Variants in P3H2 observed in about 807,000 individuals in gnomAD.
P3H2 encodes prolyl 3-hydroxylase 2.
P3H2 carries 80 observed loss-of-function variants against 87.0 expected under a neutral mutation model. The ratio of observed to expected loss-of-function variants is 0.92; its 90% CI spans 0.77 to 1.11. P3H2 has a LOEUF of 1.11. Ranked by LOEUF, P3H2 falls within the 50% of genes least tolerant of loss-of-function variation. The probability of loss-of-function intolerance (pLI) is 0.00; values close to 1 mark genes in which losing one functional copy is unlikely to be tolerated. For synonymous variants in P3H2, 367 were observed against 359.3 expected, an observed-to-expected ratio of 1.02 and a Z score of -0.24; for missense variants, 1,001 against 923.9, an observed-to-expected ratio of 1.08 and a Z score of -1.08.
chr3:190,061,210 G>T (rs1343606936), intron 1 of P3H2, among the ~76,000 whole-genome samples: 1 of 152,066 alleles, frequency 6.6e-6, no homozygotes, highest in African/African-American at 2.4e-5. Context: ...AAGTGCCTGA[G>T]AATAGCTCCT....
At chr3:189,986,590 A>AAAATAAAT (rs569382938) in intron 6 of P3H2, among the ~76,000 whole-genome samples, 198 bp downstream of exon 6, 2 of 152,248 alleles carry the variant, frequency 1.3e-5, no homozygotes, top group South Asian at 4.2e-4. Context: ...ACTCCATCTC[A>AAAATAAAT]AAATAAATAA....
intron 1 of P3H2, among the ~76,000 whole-genome samples, chr3:190,063,405 C>T (rs896974138): frequency 3.9e-5 from 6 of 152,170 alleles, no homozygotes; most frequent in East Asian, 1.9e-4. Flanking sequence ...CTGGTCAATA[C>T]GTTTGGCTAT....
intron 1 of P3H2, among the ~76,000 whole-genome samples, chr3:190,076,643 A>G (rs536396901): frequency 1.9e-3 from 290 of 152,318 alleles, no homozygotes; most frequent in Non-Finnish European, 3.5e-3. Context: ...TTTATAAGGT[A>G]TTATAACCCA....
rs1325970040 is a variant in P3H2, at chr3:189,960,229, C to A, written c.2035-2225G>T. On this transcript the variant is annotated intron_variant, in intron 14 of 14. Coordinates refer to ENST00000319332, the MANE Select transcript of P3H2 (RefSeq NM_018192.4). ...AGGCCTCACAATTTGCCGCTCCTAC[C>A]CTTTCACTCCAGAATCAGTTGTCTT... 3.3e-5 allele frequency among the ~76,000 whole-genome samples: 5 copies of A among 152,168 alleles called. No individual in the cohort carries two copies. In the South Asian group the frequency reaches 1.0e-3, roughly 32 times the overall value.
At chr3:190,111,193 C>T (rs576527640) in intron 1 of P3H2, among the ~76,000 whole-genome samples, 60 of 152,348 alleles carry the variant, frequency 3.9e-4, no homozygotes, top group African/African-American at 1.4e-3. Context: ...CAAGGAATAA[C>T]ATTGCATAAG....
chr3:190,004,852 T>TAA (rs563540775), intron 1 of P3H2, among the ~76,000 whole-genome samples: 3,107 of 150,878 alleles, frequency 0.021, 113 homozygotes, highest in African/African-American at 0.072. Context: ...GTGACTCAAT[T>TAA]AAAAAAAAAA....
Position 190,120,896 on chromosome 3 carries a change from G to T in P3H2, c.-165C>A. 1.7e-6 allele frequency: 2 copies of T among 1,160,416 alleles called. No individual in the cohort carries two copies. Among genetic ancestry groups the T allele is most frequent in the Non-Finnish European group, 1.1e-6 (1 of 870,226 alleles). The allele number at this position is 1,160,416 out of a possible 1,614,324, so 71.9% of individuals were successfully genotyped here. A position where few individuals can be genotyped will look rare whatever the true frequency, so the allele number is the denominator to read the frequency against. ...CCGCCGGCGCTCCGCGTACTGAGAGGCGGAGGCCGTGCCTGGCCAGCCGCT... is the reference window on the plus strand; with the variant it reads ...CCGCCGGCGCTCCGCGTACTGAGAGTCGGAGGCCGTGCCTGGCCAGCCGCT... On this transcript the variant is annotated 5_prime_UTR_variant, in exon 1 of 15. Transcript: ENST00000319332.
At position 189,986,783 on chromosome 3, in the gene P3H2, C is replaced by T. The variant is rs772713366; in HGVS notation, c.1188+5G>A. ...TTTTAATAAACGTTTCCTCTTTCCT[C>T]TTACCGGTTCAGTGTATGAAAACCC... On this transcript the variant is annotated splice_donor_5th_base_variant and intron_variant, in intron 6 of 14. Transcript: ENST00000319332. 1.9e-6 allele frequency: 3 copies of T among 1,579,730 alleles called. No individual in the cohort carries two copies. Among genetic ancestry groups the T allele is most frequent in the South Asian group, 1.1e-5 (1 of 90,350 alleles).
intron 1 of P3H2, among the ~76,000 whole-genome samples, chr3:190,097,298 C>T (rs1052479460): frequency 6.6e-6 from 1 of 152,092 alleles, no homozygotes; most frequent in African/African-American, 2.4e-5. Context: ...GTAAAACAAA[C>T]AAACAACCAA....
intron 1 of P3H2, among the ~76,000 whole-genome samples, chr3:190,107,600 A>G (rs1241518667): frequency 6.6e-6 from 1 of 152,208 alleles, no homozygotes; most frequent in Non-Finnish European, 1.5e-5. Context: ...GGAGAACTGT[A>G]AAAGGGAAGG....
intron 1 of P3H2, among the ~76,000 whole-genome samples, chr3:190,119,182 GAGAGGAGA>G: frequency 3.3e-5 from 4 of 120,590 alleles, no homozygotes; most frequent in African/African-American, 1.1e-4. Flanking sequence ...GAGAGGAGAG[GAGAGGAGA>G]GGAGGGGAGA....
chr3:190,067,638 T>C (rs1726554608), intron 1 of P3H2, among the ~76,000 whole-genome samples: 1 of 152,182 alleles, frequency 6.6e-6, no homozygotes, highest in Admixed American at 6.5e-5. Flanking sequence ...CATAAAATTC[T>C]ACATATGGTG....
At position 190,055,152 on chromosome 3, in the gene P3H2, C is replaced by T. The variant is rs73053135; in HGVS notation, c.481-59710G>A. 6.0e-3 allele frequency among the ~76,000 whole-genome samples: 905 copies of T among 151,860 alleles called. 7 individuals are homozygous for T. Among genetic ancestry groups the T allele is most frequent in the African/African-American group, 0.021 (863 of 41,168 alleles). ...ACATGGGCATCAGATGTTAAGGAGA[C>T]CACTGACCCCTGTTGTCCACAAACA... On this transcript the variant is annotated intron_variant, in intron 1 of 14. Transcript: ENST00000319332.
rs1427096247 is a variant in P3H2, at chr3:190,120,371, G to T, written c.361C>A (p.Arg121Ser). Residue 121 changes from arginine (R) to serine (S), a missense_variant, in exon 1 of 15, where the codon CGC becomes AGC. Arg to Ser is a moderately radical substitution (Grantham distance 110). Transcript: ENST00000319332. ...RSLLGRARCY[R>S]SCETQRLGGP... Reference sequence around the variant, plus strand: ...CCGAGGCGCTGGGTCTCACAGCTGCGATAACAGCGCGCCCGCCCCAACAAG... The same window carrying T: ...CCGAGGCGCTGGGTCTCACAGCTGCTATAACAGCGCGCCCGCCCCAACAAG... 6.4e-7 allele frequency: 1 copy of T among 1,553,286 alleles called. No individual in the cohort carries two copies.
At position 189,971,968 on chromosome 3, in the gene P3H2, T is replaced by C; in HGVS notation, c.1739A>G (p.His580Arg). The C allele has an allele frequency of 6.2e-7, 1 of 1,613,448 alleles. No homozygotes were observed. Among genetic ancestry groups the C allele is most frequent in the South Asian group, 1.1e-5 (1 of 91,060 alleles). ...TGGATCCAACAAACAGTTGTCAGCA[T>C]GGATGGGATGACTGAGGTCATTTCT... The part of the protein sequence containing the change: ...DRRNDLSHPI[H>R]ADNCLLDPEA... Residue 580 changes from histidine to arginine, a missense_variant, in exon 12 of 15, where the codon CAT becomes CGT. By Grantham distance (29) the His-to-Arg change is conservative. Coordinates refer to ENST00000319332, the MANE Select transcript of P3H2 (RefSeq NM_018192.4).
At chr3:190,064,482 T>C (rs1025250664) in intron 1 of P3H2, among the ~76,000 whole-genome samples, 2 of 152,090 alleles carry the variant, frequency 1.3e-5, no homozygotes, top group Non-Finnish European at 2.9e-5. Flanking sequence ...GTCGACAGGT[T>C]TAAGCAAGGG....
At chr3:190,064,683 TA>T (rs1185947106) in intron 1 of P3H2, among the ~76,000 whole-genome samples, 1 of 152,170 alleles carries the variant, frequency 6.6e-6, no homozygotes, top group Non-Finnish European at 1.5e-5. Flanking sequence ...AGTAACAGTC[TA>T]AATGTACATA....
chr3:189,977,536 T>C (rs1173827974), intron 8 of P3H2, among the ~76,000 whole-genome samples: 2 of 152,206 alleles, frequency 1.3e-5, no homozygotes, highest in Non-Finnish European at 2.9e-5. Flanking sequence ...AACTATGAGA[T>C]AATAAATGGA....
At chr3:190,062,459 A>C (rs181118970) in intron 1 of P3H2, among the ~76,000 whole-genome samples, 4 of 152,254 alleles carry the variant, frequency 2.6e-5, no homozygotes, top group Admixed American at 2.6e-4. Context: ...ATAATTTTTC[A>C]CTCTTAAGAA....
Sources: gnomAD v4.1 joint callset for allele counts (sites outside exome capture counted in the v4.1 genomes callset) on GRCh38, gnomAD v4.1.1 for gene constraint, MANE v1.5 for transcripts, NCBI Gene and HGNC (gene_info 2026-07-23, HGNC 2026-07-21) for gene names.